Variants in DAB1 observed in about 807,000 individuals in gnomAD.
DAB1 encodes the protein DAB adaptor protein 1, also known as disabled homolog 1.
Under a neutral mutation model 64.6 loss-of-function variants are expected in DAB1, and 15 were observed. The ratio of observed to expected loss-of-function variants is 0.23; its 90% CI spans 0.16 to 0.36. DAB1 has a LOEUF of 0.36. DAB1 is among the 10% of genes least tolerant of loss of function. The pLI is 1.00. For missense variants in DAB1, 596 were observed against 706.7 expected, an observed-to-expected ratio of 0.84 and a Z score of 1.78; for synonymous variants, 235 against 251.9, an observed-to-expected ratio of 0.93 and a Z score of 0.64.
chr1:57,447,388 A>C (rs1264911968), intron 7 of DAB1, among the ~76,000 whole-genome samples: 1 of 152,148 alleles, frequency 6.6e-6, no homozygotes, highest in Non-Finnish European at 1.5e-5. Context: ...AGAACTTCTA[A>C]AGAGAGAGAT....
At chr1:57,477,624 T>C (rs1643954900) in intron 7 of DAB1, among the ~76,000 whole-genome samples, 1 of 152,114 alleles carries the variant, frequency 6.6e-6, no homozygotes, top group African/African-American at 2.4e-5. Context: ...AGGGCTCTTA[T>C]CATAAAGACC....
chr1:57,948,467 A>G (rs914198001), intron 5 of DAB1, among the ~76,000 whole-genome samples: 1 of 152,190 alleles, frequency 6.6e-6, no homozygotes, highest in Non-Finnish European at 1.5e-5. Flanking sequence ...TTTACCGTTG[A>G]CATCTATTTA....
At chr1:57,031,296 AT>A (rs776608710) in intron 9 of DAB1, among the ~76,000 whole-genome samples, 3 of 152,176 alleles carry the variant, frequency 2.0e-5, no homozygotes, top group Non-Finnish European at 4.4e-5. Flanking sequence ...AATAGTATCT[AT>A]TTTCACAGGC....
chr1:58,386,922 T>C (rs1165428899), intron 3 of DAB1, among the ~76,000 whole-genome samples: 2 of 152,128 alleles, frequency 1.3e-5, no homozygotes, highest in African/African-American at 4.8e-5. Flanking sequence ...TAGCTGGGCA[T>C]GGTGGCACAT....
chr1:57,456,824 C>T (rs374793081), intron 7 of DAB1, among the ~76,000 whole-genome samples: 10 of 152,104 alleles, frequency 6.6e-5, no homozygotes, highest in East Asian at 5.8e-4. Context: ...CTGAAATTTC[C>T]GACCTGTATC....
chr1:57,263,581 T>C (rs1269758165), intron 2 of DAB1, among the ~76,000 whole-genome samples: 2 of 152,146 alleles, frequency 1.3e-5, no homozygotes, highest in Admixed American at 1.3e-4. Flanking sequence ...GTAGTAGCAG[T>C]GGTAGCAGCC....
chr1:58,104,140 A>C (rs1651496962), intron 5 of DAB1, among the ~76,000 whole-genome samples: 1 of 152,276 alleles, frequency 6.6e-6, no homozygotes, highest in South Asian at 2.1e-4. Context: ...GCAGTGTGCC[A>C]GGCACAGAGA....
chr1:57,605,326 T>C (rs1162087659), intron 7 of DAB1, among the ~76,000 whole-genome samples: 1 of 152,202 alleles, frequency 6.6e-6, no homozygotes. Flanking sequence ...TTGTAGCAGG[T>C]GTTCAGTAAA....
chr1:58,532,471 T>A (rs1332338130), intron 1 of DAB1, among the ~76,000 whole-genome samples: 1 of 152,226 alleles, frequency 6.6e-6, no homozygotes, highest in Non-Finnish European at 1.5e-5. Flanking sequence ...AGAGTGCATA[T>A]AATAACACTG....
rs910565612 is a variant in DAB1, at chr1:57,293,596, G to A, written c.-136-2430C>T. ...AAGGCCACCTGGCCGGTATGTGACC[G>A]AAAGTCTGTATTATCTCCCCTTTAC... On this transcript the variant is annotated intron_variant, in intron 1 of 14. Transcript: ENST00000371236. Among the ~76,000 whole-genome samples, 12 of 152,246 alleles carry A rather than the reference G, an allele frequency of 7.9e-5. 1 individual carries two copies. In the South Asian group the frequency reaches 1.0e-3, roughly 13 times the overall value.
intron 4 of DAB1, among the ~76,000 whole-genome samples, chr1:58,224,609 C>T (rs2100332908): frequency 6.6e-6 from 1 of 152,060 alleles, no homozygotes; most frequent in Admixed American, 6.5e-5. Context: ...CCACAGTGTT[C>T]CCAAAAATTT....
intron 2 of DAB1, among the ~76,000 whole-genome samples, chr1:57,177,568 T>C (rs1662461988): frequency 1.3e-5 from 2 of 152,158 alleles, no homozygotes; most frequent in South Asian, 4.1e-4. Context: ...TTGCCTTTTC[T>C]CTTATTTCAC....
At chr1:57,423,614 G>A (rs1266534093) in intron 1 of DAB1, among the ~76,000 whole-genome samples, 3 of 152,034 alleles carry the variant, frequency 2.0e-5, no homozygotes, top group Non-Finnish European at 2.9e-5. Context: ...AGAGAGACGC[G>A]TGTCAGGGGT....
chr1:58,475,260 A>G (rs1645407285), intron 3 of DAB1, among the ~76,000 whole-genome samples: 1 of 152,088 alleles, frequency 6.6e-6, no homozygotes, highest in African/African-American at 2.4e-5. Context: ...GGCTCAAGCG[A>G]TACTCCTGTC....
intron 1 of DAB1, among the ~76,000 whole-genome samples, chr1:57,843,366 G>A (rs530244869): frequency 1.3e-5 from 2 of 152,204 alleles, no homozygotes; most frequent in Non-Finnish European, 2.9e-5. Flanking sequence ...TTCTTCTTTG[G>A]TTATTATCTA....
chr1:57,518,936 T>C (rs1644493767), intron 7 of DAB1, among the ~76,000 whole-genome samples: 1 of 152,214 alleles, frequency 6.6e-6, no homozygotes, highest in African/African-American at 2.4e-5. Context: ...CAATGCTGTC[T>C]CTGAAGAGTG....
chr1:58,366,817 G>C (rs1440383374), intron 3 of DAB1, among the ~76,000 whole-genome samples: 1 of 152,166 alleles, frequency 6.6e-6, no homozygotes, highest in Non-Finnish European at 1.5e-5. Flanking sequence ...TAATTCACTT[G>C]AAAAAGGCAG....
rs559862495 is a variant in DAB1 at position 57,630,966 on chromosome 1, GAAT to G, written n.625+18623_625+18625del. Among the ~76,000 whole-genome samples, 7 of 152,234 alleles carry G rather than the reference GAAT, an allele frequency of 4.6e-5. No homozygotes were observed. The South Asian group carries it at 1.5e-3, about 32-fold the overall frequency. On this transcript the variant is annotated intron_variant and non_coding_transcript_variant, in intron 7 of 20. Coordinates refer to the DAB1 transcript ENST00000485760. ...TGGTCCTGCAAAGCTCCTGTTGAAA[GAAT>G]AATTATTACTGCAGTTCAAAAAATT...
At chr1:57,007,158 C>T (rs746024762) in intron 14 of DAB1, among the ~76,000 whole-genome samples, 8 of 152,092 alleles carry the variant, frequency 5.3e-5, no homozygotes, top group African/African-American at 7.2e-5. Context: ...ATTCCCACCA[C>T]GAAGATCAGT....
Sources: allele counts gnomAD v4.1 joint callset (sites outside exome capture counted in the v4.1 genomes callset), GRCh38; gene constraint gnomAD v4.1.1; transcripts MANE v1.5; gene names NCBI Gene and HGNC (gene_info 2026-07-23, HGNC 2026-07-21).